Variants in AHRR observed in about 807,000 individuals in gnomAD.
AHRR encodes ahR repressor.
Under a neutral mutation model 44.0 loss-of-function variants are expected in AHRR, and 28 were observed. The observed-to-expected ratio is 0.64, with a 90% CI of 0.47 to 0.87. The LOEUF is 0.87. Ranked by LOEUF, AHRR falls within the 40% of genes least tolerant of loss-of-function variation. AHRR has a pLI of 0.00. For synonymous variants in AHRR, 434 were observed against 407.0 expected (o/e 1.07, Z -0.80); for missense variants, 990 against 953.9 (o/e 1.04, Z -0.50).
chr5:424,224 AACCC>A (rs1736276793), intron 7 of AHRR, among the ~76,000 whole-genome samples: 1 of 144,646 alleles, frequency 6.9e-6, no homozygotes, highest in African/African-American at 2.6e-5. Context: ...TGGGGGTGTT[AACCC>A]ATGTGTCTCT....
intron 4 of AHRR, among the ~76,000 whole-genome samples, chr5:403,362 T>C (rs1226925467): frequency 1.3e-5 from 2 of 152,122 alleles, no homozygotes; most frequent in African/African-American, 2.4e-5. Flanking sequence ...TTAGGTCGGG[T>C]GCAGTGGCTC....
chr5:360,845 T>C lies in AHRR; in HGVS notation c.244+6934T>C, dbSNP rs919942694. Among the ~76,000 whole-genome samples the C allele has an allele frequency of 4.6e-5, 7 of 152,308 alleles. No individual in the cohort carries two copies. In the South Asian group the frequency reaches 1.0e-3, roughly 23 times the overall value. ...AAAGTGTTGAAACCCTTGCTTCTCC[T>C]TACTGCTTATAGTGAAACGTCAGAG... On this transcript the variant is annotated intron_variant, in intron 3 of 10. Transcript: ENST00000684583.
chr5:337,452 C>T lies in AHRR; in HGVS notation c.-10-6441C>T, dbSNP rs1009223282. On this transcript the variant is annotated intron_variant, in intron 1 of 10. Transcript: ENST00000684583. The surrounding 1 kb of genome is among the most constrained non-coding windows in gnomAD (Gnocchi z 4.1). ...GGAGTGCAGTGGTGTGATCTGGGCT[C>T]ACTGCAGCCTTGACCTCCCAGGCTC... 3.3e-5 allele frequency among the ~76,000 whole-genome samples: 5 copies of T among 152,122 alleles called. No homozygotes were observed. Among genetic ancestry groups the T allele is most frequent in the African/African-American group, 1.2e-4 (5 of 41,416 alleles).
At chr5:408,252 T>C (rs992248438) in intron 4 of AHRR, among the ~76,000 whole-genome samples, 7 of 152,262 alleles carry the variant, frequency 4.6e-5, no homozygotes, top group African/African-American at 1.7e-4. Context: ...TGGGCCTCCC[T>C]ACCCTGTTCC....
chr5:366,887 C>T (rs1244855932), intron 3 of AHRR, among the ~76,000 whole-genome samples: 1 of 152,158 alleles, frequency 6.6e-6, no homozygotes, highest in Non-Finnish European at 1.5e-5. Flanking sequence ...ACCCAGCAGG[C>T]CATGAAAGCC....
In AHRR at chr5:423,838, C is replaced by T. The variant is rs1186552917; in HGVS notation, c.572-3C>T. On this transcript the variant is annotated splice_region_variant and splice_polypyrimidine_tract_variant and intron_variant, in intron 6 of 10. Transcript: ENST00000684583. ...CACGCCCCTTGGCCCCTATGGTCTGCAGGAGATGATGCTATCCTGGGGAGG... is the reference window on the plus strand; with the variant it reads ...CACGCCCCTTGGCCCCTATGGTCTGTAGGAGATGATGCTATCCTGGGGAGG... 4.4e-6 allele frequency: 7 copies of T among 1,598,500 alleles called. No homozygotes were observed. In the African/African-American group the frequency reaches 8.0e-5, roughly 18 times the overall value.
Position 434,727 on chromosome 5 carries a change from C to A in AHRR, c.1987C>A (p.Pro663Thr). 6.4e-7 allele frequency: 1 copy of A among 1,571,546 alleles called. No individual in the cohort carries two copies. The highest frequency in any genetic ancestry group is 8.6e-7 in the Non-Finnish European group (1 of 1,158,246). ...PVVKREPLDS[P>T]QWATHSQGMV... Reference sequence around the variant, plus strand: ...GGTCAAGCGGGAGCCCTTGGACTCACCCCAGTGGGCTACTCACAGCCAGGG... The same window carrying A: ...GGTCAAGCGGGAGCCCTTGGACTCAACCCAGTGGGCTACTCACAGCCAGGG... Residue 663 changes from proline to threonine, a missense_variant, in exon 11 of 11, where the codon CCC (proline) becomes ACC (threonine). Pro to Thr is a conservative substitution (Grantham distance 38). Coordinates refer to ENST00000684583, the MANE Select transcript of AHRR (RefSeq NM_001377236.1).
intron 3 of AHRR, 48 bp from the exon 4 acceptor site, chr5:376,562 C>CCGCGGGGA: frequency 5.1e-6 from 1 of 195,702 alleles, no homozygotes; most frequent in Non-Finnish European, 9.1e-6. Flanking sequence ...AGAAGAGTGG[C>CCGCGGGGA]CAGGCCAAGG....
chr5:362,483 A>T (rs1460872655), intron 3 of AHRR, among the ~76,000 whole-genome samples: 1 of 151,478 alleles, frequency 6.6e-6, no homozygotes, highest in Non-Finnish European at 1.5e-5. Context: ...CCTTTCCCTC[A>T]CCCCCTTCCT....
chr5:428,673 A>G lies in AHRR; in HGVS notation c.908+667A>G, dbSNP rs140185094. ...CTATGCATTTCATTTCTGTTTTATT[A>G]CATTGTAATATATAATGAAATAATT... On this transcript the variant is annotated intron_variant, in intron 8 of 10. Coordinates refer to ENST00000684583, the MANE Select transcript of AHRR (RefSeq NM_001377236.1). 4.5e-3 allele frequency among the ~76,000 whole-genome samples: 689 copies of G among 152,352 alleles called. 6 individuals carry two copies. Among genetic ancestry groups the G allele is most frequent in the Non-Finnish European group, 7.7e-3 (524 of 68,040 alleles).
rs1023049005 is a variant in AHRR at position 326,218 on chromosome 5, C to T, written c.-11+4399C>T. Among the ~76,000 whole-genome samples, 2 of 152,250 alleles carry T rather than the reference C, an allele frequency of 1.3e-5. No individual in the cohort carries two copies. The highest frequency in any genetic ancestry group is 1.9e-4 in the East Asian group (1 of 5,204). On this transcript the variant is annotated intron_variant, in intron 1 of 10. Transcript: ENST00000684583. The surrounding 1 kb of genome is among the most constrained non-coding windows in gnomAD (Gnocchi z 4.1). ...CTCTCTAGCTCCAAAACCTCTTCATCGCCTCCGGCAGTGCTCACCCACCAG... is the reference window on the plus strand; with the variant it reads ...CTCTCTAGCTCCAAAACCTCTTCATTGCCTCCGGCAGTGCTCACCCACCAG...
chr5:343,731 G>T, intron 1 of AHRR, 162 bp from the exon 2 acceptor site: 1 of 646,134 alleles, frequency 1.5e-6, no homozygotes, highest in Non-Finnish European at 2.5e-6. Flanking sequence ...GGAGAGCAGG[G>T]GTCCCGGGCC....
At chr5:394,940 C>A (rs1355939164) in intron 4 of AHRR, among the ~76,000 whole-genome samples, 2 of 152,334 alleles carry the variant, frequency 1.3e-5, no homozygotes, top group Non-Finnish European at 2.9e-5. Context: ...GCGGTGCGGC[C>A]GTGTCAAGCT....
intron 4 of AHRR, among the ~76,000 whole-genome samples, chr5:410,865 T>C (rs11746079): frequency 0.1 from 15,487 of 152,258 alleles, 1,062 homozygotes; most frequent in Non-Finnish European, 0.14. Context: ...TTATATCACT[T>C]TTGTTAATTT....
chr5:387,116 G>A lies in AHRR; in HGVS notation c.351+10400G>A, dbSNP rs2126462066. ...GCAGTCCTTGGGGCCTTGGGCACAGGTTCACGTCAGTGCAGCTCAAAGTGC... is the reference window on the plus strand; with the variant it reads ...GCAGTCCTTGGGGCCTTGGGCACAGATTCACGTCAGTGCAGCTCAAAGTGC... On this transcript the variant is annotated intron_variant, in intron 4 of 10. Transcript: ENST00000684583. The surrounding 1 kb of genome is among the most constrained non-coding windows in gnomAD (Gnocchi z 5.1). Among the ~76,000 whole-genome samples the A allele has an allele frequency of 6.6e-6, 1 of 152,368 alleles. No individual in the cohort carries two copies. The highest frequency in any genetic ancestry group is 2.1e-4 in the South Asian group (1 of 4,832).
intron 3 of AHRR, among the ~76,000 whole-genome samples, chr5:355,510 C>T (rs1250983872): frequency 3.3e-5 from 5 of 152,196 alleles, no homozygotes; most frequent in East Asian, 3.8e-4. Flanking sequence ...CCACCGACAC[C>T]GCACAGCCTC....
intron 3 of AHRR, among the ~76,000 whole-genome samples, chr5:368,685 C>T (rs1216495139): frequency 6.6e-6 from 1 of 152,222 alleles, no homozygotes; most frequent in Non-Finnish European, 1.5e-5. Flanking sequence ...CTCTGCAGGA[C>T]GAGCGTGTGA....
Position 423,968 on chromosome 5 carries a change from G to A in AHRR, c.699G>A (p.Ser233=), listed in dbSNP as rs756946517. ...TGCGCTGCCTGCTGGACAGCACCTC[G>A]GGCTTCCTGGTGAGTGCGTGGGTCC... ...CRVRCLLDST[S]GFLTMQFQGK... is the part of the protein sequence containing the mutation. Residue 233 remains serine, a synonymous_variant, in exon 7 of 11, where the codon TCG becomes TCA. Coordinates refer to ENST00000684583, the MANE Select transcript of AHRR (RefSeq NM_001377236.1). The A allele has an allele frequency of 1.1e-5, 18 of 1,599,404 alleles. No homozygotes were observed. Among genetic ancestry groups the A allele is most frequent in the Admixed American group, 8.3e-5 (5 of 59,946 alleles).
intron 1 of AHRR, among the ~76,000 whole-genome samples, chr5:329,297 C>T (rs1237555741): frequency 2.6e-5 from 4 of 152,140 alleles, no homozygotes; most frequent in African/African-American, 9.7e-5. Context: ...TTCCTGGGCC[C>T]AAGAGATTGT....
Sources: gnomAD v4.1 joint callset for allele counts (sites outside exome capture counted in the v4.1 genomes callset) on GRCh38, gnomAD v4.1.1 for gene constraint, Gnocchi (gnomAD v3.1) non-coding constraint, MANE v1.5 for transcripts, NCBI Gene and HGNC (gene_info 2026-07-23, HGNC 2026-07-21) for gene names.